DMD: variants seen among roughly 807,000 people sequenced by gnomAD.
DMD encodes dystrophin.
Under a neutral mutation model 330.1 loss-of-function variants are expected in DMD, and 63 were observed. The ratio of observed to expected loss-of-function variants is 0.19; its 90% CI spans 0.16 to 0.24. The LOEUF is 0.24. Among genes scored for constraint, DMD ranks in the 10% least tolerant of loss-of-function variants. DMD has a pLI of 1.00. For synonymous variants in DMD, 1,223 were observed against 959.8 expected (o/e 1.27, Z -5.07); for missense variants, 3,344 against 2,684.1 (o/e 1.25, Z -5.43).
intron 9 of DMD, among the ~76,000 whole-genome samples, chrX:32,695,186 G>C (rs1386925277): frequency 8.9e-6 from 1 of 112,111 alleles, no homozygotes. Context: ...CGTCGAGAAA[G>C]TGCAGCGTCA....
chrX:32,963,412 C>A lies in DMD; in HGVS notation c.93+56727G>T, dbSNP rs771466984. 2.2e-3 allele frequency among the ~76,000 whole-genome samples: 246 copies of A among 112,021 alleles called. 2 individuals carry two copies. Among genetic ancestry groups the A allele is most frequent in the Middle Eastern group, 4.7e-3 (1 of 215 alleles). ...CTGATGGTTCCATAGCTATGAAAGTCTTGATGATGCCAATGCTAGGCATCC... is the reference window on the plus strand; with the variant it reads ...CTGATGGTTCCATAGCTATGAAAGTATTGATGATGCCAATGCTAGGCATCC... On this transcript the variant is annotated intron_variant, in intron 2 of 78. Transcript: ENST00000357033.
intron 16 of DMD, among the ~76,000 whole-genome samples, chrX:32,558,945 T>TTTTTTTTTTTTTC (rs1569199630): frequency 0.014 from 573 of 40,106 alleles, 25 homozygotes; most frequent in African/African-American, 0.041. Context: ...TTTCTTTTTT[T>TTTTTTTTTTTTTC]TTTTTTTTTT....
intron 41 of DMD, among the ~76,000 whole-genome samples, chrX:32,325,912 G>C (rs1208158853): frequency 9.3e-6 from 1 of 107,529 alleles, no homozygotes; most frequent in African/African-American, 3.4e-5. Context: ...CAATTTATAA[G>C]CAACTAATTA....
At chrX:31,134,587 T>C (rs1439981179) in intron 76 of DMD, among the ~76,000 whole-genome samples, 1 of 110,751 alleles carries the variant, frequency 9.0e-6, no homozygotes, top group Admixed American at 9.5e-5. Context: ...CACGTCCAGC[T>C]AATTTTTGTA....
chrX:31,547,675 C>G (rs1245915388), intron 55 of DMD, among the ~76,000 whole-genome samples: 2 of 111,818 alleles, frequency 1.8e-5, no homozygotes, highest in Non-Finnish European at 3.8e-5. Flanking sequence ...ACTGGGCATG[C>G]TGTGGAAGGA....
Position 31,120,266 on chromosome X carries a change from C to CAATTTTTGTTTGTTT in DMD, c.*1638_*1652dup, listed in dbSNP as rs1476837866. On this transcript the variant is annotated 3_prime_UTR_variant, in exon 79 of 79. Transcript: ENST00000357033. Reference sequence around the variant, plus strand: ...TTGAGCTTTTCTCCTCTTTTTTGAGCAATTTTTGTTTGTTTGTTTATATAT... The same window carrying CAATTTTTGTTTGTTT: ...TTGAGCTTTTCTCCTCTTTTTTGAGCAATTTTTGTTTGTTTAATTTTTGTTTGTTTGTTTATATAT... 8.9e-6 allele frequency: 1 copy of CAATTTTTGTTTGTTT among 111,898 alleles called. No homozygotes were observed. The highest frequency in any genetic ancestry group is 3.3e-5 in the African/African-American group (1 of 30,764). 9.2% of individuals were successfully genotyped at this position (111,898 alleles called of 1,213,427 possible).
At chrX:31,175,151 T>C (rs1164012032) in intron 71 of DMD, among the ~76,000 whole-genome samples, 2 of 111,863 alleles carry the variant, frequency 1.8e-5, no homozygotes, top group Non-Finnish European at 3.8e-5. Context: ...ATTTGTATTA[T>C]AAGAACTATC....
chrX:31,306,097 T>A (rs1203387313), intron 62 of DMD, among the ~76,000 whole-genome samples: 1 of 111,826 alleles, frequency 8.9e-6, no homozygotes, highest in African/African-American at 3.2e-5. Flanking sequence ...TTGAAAATAA[T>A]ACATGAAACT....
intron 44 of DMD, among the ~76,000 whole-genome samples, chrX:32,179,160 T>C (rs1445840986): frequency 1.8e-5 from 2 of 111,306 alleles, no homozygotes; most frequent in Non-Finnish European, 3.8e-5. Flanking sequence ...AGGCGCTACA[T>C]CTACAGAACA....
chrX:31,311,083 C>A (rs2055484554), intron 62 of DMD, among the ~76,000 whole-genome samples: 1 of 111,497 alleles, frequency 9.0e-6, no homozygotes, highest in South Asian at 3.8e-4. Flanking sequence ...TATCATTCTG[C>A]AATAAGATGA....
intron 49 of DMD, among the ~76,000 whole-genome samples, chrX:31,829,366 A>G (rs1490028705): frequency 9.0e-6 from 1 of 110,898 alleles, no homozygotes. Context: ...TATACCCCCA[A>G]AACTACTGAA....
chrX:32,176,563 T>C (rs140647527), intron 44 of DMD, among the ~76,000 whole-genome samples: 1,266 of 111,873 alleles, frequency 0.011, 22 homozygotes, highest in African/African-American at 0.039. Context: ...TTTATTAAAA[T>C]GTATTCATAT....
intron 59 of DMD, among the ~76,000 whole-genome samples, chrX:31,454,866 C>T (rs909402488): frequency 1.8e-5 from 2 of 110,409 alleles, no homozygotes; most frequent in African/African-American, 6.6e-5. Flanking sequence ...GATCCTCCTG[C>T]TTCAGCCTCC....
At chrX:32,711,487 T>C (rs2065186470) in intron 7 of DMD, among the ~76,000 whole-genome samples, 1 of 111,871 alleles carries the variant, frequency 8.9e-6, no homozygotes, top group East Asian at 2.8e-4. Flanking sequence ...TTAGGAAAGC[T>C]TTCCCTCAGA....
Position 32,545,270 on chromosome X carries a change from G to A in DMD, c.2057C>T (p.Thr686Ile), listed in dbSNP as rs2148959991. 1.7e-6 allele frequency: 2 copies of A among 1,210,724 alleles called. No homozygotes were observed. The highest frequency in any genetic ancestry group is 2.2e-5 in the Admixed American group (1 of 45,986). ...LTQTTVMETVTTVTTREQILV... is the reference protein window; with the variant it reads ...LTQTTVMETVITVTTREQILV... ...GATCTGTTCCCTTGTGGTCACCGTA[G>A]TTACTGTTTCCATTACAGTTGTCTG... The change falls in exon 17 of 79, where the codon ACT becomes ATT. Residue 686 changes from threonine to isoleucine, a missense_variant. By Grantham distance (89) the Thr-to-Ile change is moderately conservative. Coordinates refer to ENST00000357033, the MANE Select transcript of DMD (RefSeq NM_004006.3).
chrX:31,366,671 T>C (rs1397395070), intron 60 of DMD, among the ~76,000 whole-genome samples: 7 of 108,881 alleles, frequency 6.4e-5, no homozygotes, highest in Non-Finnish European at 1.1e-4. Context: ...GTAAAGATGA[T>C]AAAATTAAGT....
chrX:33,317,695 T>C (rs997980093), intron 1 of DMD, among the ~76,000 whole-genome samples: 3 of 111,747 alleles, frequency 2.7e-5, no homozygotes, highest in Non-Finnish European at 3.8e-5. Context: ...AAAAAGCATA[T>C]TGTCACTGCA....
At chrX:32,105,241 A>G (rs1393314561) in intron 44 of DMD, among the ~76,000 whole-genome samples, 3 of 111,862 alleles carry the variant, frequency 2.7e-5, no homozygotes, top group African/African-American at 9.7e-5. Context: ...GAATTGTAAC[A>G]TTAAGAGAAC....
At chrX:33,260,236 G>A (rs767158318) in intron 1 of DMD, among the ~76,000 whole-genome samples, 1 of 111,440 alleles carries the variant, frequency 9.0e-6, no homozygotes, top group African/African-American at 3.3e-5. Context: ...TGTTGTCAGT[G>A]TTTTGGATTT....
Sources: gnomAD v4.1 joint callset for allele counts (sites outside exome capture counted in the v4.1 genomes callset) on GRCh38, gnomAD v4.1.1 for gene constraint, MANE v1.5 for transcripts, NCBI Gene and HGNC (gene_info 2026-07-23, HGNC 2026-07-21) for gene names.